The following ABI1 variants were observed in gnomAD, a reference collection of about 807,000 sequenced individuals.
The protein encoded by ABI1 is Abelson interactor 1.
A neutral mutation model predicts 54.6 loss-of-function variants in ABI1; 14 were observed. The observed-to-expected ratio is 0.26, with a 90% CI of 0.17 to 0.40. The LOEUF (loss-of-function observed/expected upper bound fraction) is 0.40, where lower values mean the gene tolerates loss of function less well. ABI1 is among the 10% of genes least tolerant of loss of function. The pLI is 1.00. For synonymous variants in ABI1, 194 were observed against 209.3 expected, an observed-to-expected ratio of 0.93 and a Z score of 0.63; for missense variants, 443 against 598.3, an observed-to-expected ratio of 0.74 and a Z score of 2.71.
chr10:26,837,727 G>GC (rs1564565552), intron 1 of ABI1, among the ~76,000 whole-genome samples: 1 of 151,974 alleles, frequency 6.6e-6, no homozygotes, highest in African/African-American at 2.4e-5. Flanking sequence ...CAATTCACAT[G>GC]CCTCGGCCTC....
Position 26,751,737 on chromosome 10 carries a change from A to T in ABI1, c.1131T>A (p.Ile377=). 1.9e-6 allele frequency: 3 copies of T among 1,613,646 alleles called. No individual in the cohort carries two copies. Among genetic ancestry groups the T allele is most frequent in the Non-Finnish European group, 2.5e-6 (3 of 1,179,828 alleles). The change falls in exon 10 of 11, where the codon ATT becomes ATA. Residue 377 remains isoleucine, a synonymous_variant. Coordinates refer to ENST00000376140, the MANE Select transcript of ABI1 (RefSeq NM_001012750.3). ...TPPPPPPPDD[I]PMFDDSPPPP... ...GAGGTGGAGAGTCATCAAACATGGGAATGTCATCTGGTGGAGGTGGTGGCG... is the reference window on the plus strand; with the variant it reads ...GAGGTGGAGAGTCATCAAACATGGGTATGTCATCTGGTGGAGGTGGTGGCG...
chr10:26,796,444 A>T (rs949557294), intron 2 of ABI1, among the ~76,000 whole-genome samples: 1 of 152,172 alleles, frequency 6.6e-6, no homozygotes, highest in Non-Finnish European at 1.5e-5. Context: ...AGGACTGAGG[A>T]CAGTAACATG....
At chr10:26,776,410 T>A (rs1221129896) in intron 3 of ABI1, among the ~76,000 whole-genome samples, 3 of 152,176 alleles carry the variant, frequency 2.0e-5, no homozygotes, top group African/African-American at 7.2e-5. Flanking sequence ...AAGGAATAGT[T>A]TATCCTGAGC....
chr10:26,837,383 T>G (rs2049154934), intron 1 of ABI1, among the ~76,000 whole-genome samples: 1 of 152,124 alleles, frequency 6.6e-6, no homozygotes, highest in African/African-American at 2.4e-5. Context: ...GGCTCCAGCC[T>G]TATGACCTCA....
chr10:26,829,191 A>ACTC (rs1245577840), intron 1 of ABI1, among the ~76,000 whole-genome samples: 1 of 151,338 alleles, frequency 6.6e-6, no homozygotes, highest in Non-Finnish European at 1.5e-5. Flanking sequence ...GCGCCACTGC[A>ACTC]CTCCAACCTA....
intron 8 of ABI1, 35 bp from the exon 9 acceptor site, chr10:26,755,776 C>T (rs748235536): frequency 7.0e-7 from 1 of 1,418,850 alleles, no homozygotes; most frequent in South Asian, 1.2e-5. Flanking sequence ...GGAAGTAAAA[C>T]AGATAAAGGA....
intron 3 of ABI1, among the ~76,000 whole-genome samples, chr10:26,774,995 A>G (rs1841205615): frequency 1.3e-5 from 2 of 152,128 alleles, no homozygotes. Flanking sequence ...TCTAAATAGA[A>G]AAGTGGGCAA....
intron 8 of ABI1, 58 bp from the exon 9 acceptor site, chr10:26,755,799 C>A: frequency 3.1e-6 from 4 of 1,276,394 alleles, no homozygotes; most frequent in Admixed American, 2.1e-5. Flanking sequence ...GAAAAGGAAA[C>A]AAACAAAAAG....
chr10:26,834,751 G>A (rs1457574980), intron 1 of ABI1, among the ~76,000 whole-genome samples: 1 of 152,140 alleles, frequency 6.6e-6, no homozygotes, highest in Admixed American at 6.5e-5. Context: ...CGGATCACCT[G>A]AGGTCAGGAG....
intron 1 of ABI1, among the ~76,000 whole-genome samples, chr10:26,852,466 C>A (rs536217478): frequency 6.6e-6 from 1 of 151,952 alleles, no homozygotes; most frequent in Non-Finnish European, 1.5e-5. Context: ...GCAACAAGAA[C>A]GAAACTCTGT....
Position 26,828,200 on chromosome 10 carries a change from A to G in ABI1, c.118-4895T>C, listed in dbSNP as rs543324274. ...CCAAAGAGAGGGAGAGACAGAAGGA[A>G]TGGTCAGTTGGTGGTACAGTCAGAA... On this transcript the variant is annotated intron_variant, in intron 1 of 10. Coordinates refer to ENST00000376140, the MANE Select transcript of ABI1 (RefSeq NM_001012750.3). 2.4e-4 allele frequency among the ~76,000 whole-genome samples: 36 copies of G among 152,342 alleles called. No homozygotes were observed. The South Asian group carries it at 7.2e-3, about 31-fold the overall frequency.
At chr10:26,778,548 G>A (rs1024066055) in intron 2 of ABI1, among the ~76,000 whole-genome samples, 1 of 149,922 alleles carries the variant, frequency 6.7e-6, no homozygotes, top group Non-Finnish European at 1.5e-5. Flanking sequence ...TCAATGTTAC[G>A]CTTGAATCAG....
intron 2 of ABI1, among the ~76,000 whole-genome samples, chr10:26,816,809 A>C (rs2047593023): frequency 6.6e-6 from 1 of 152,160 alleles, no homozygotes. Context: ...TTGACTAGTA[A>C]GATTGTTTTG....
intron 2 of ABI1, among the ~76,000 whole-genome samples, chr10:26,786,323 C>T (rs1440876750): frequency 2.0e-5 from 3 of 151,910 alleles, no homozygotes; most frequent in African/African-American, 7.3e-5. Flanking sequence ...AAGCGATTCT[C>T]ATGTCTCATG....
chr10:26,795,579 C>T (rs1482783922), intron 2 of ABI1, among the ~76,000 whole-genome samples: 1 of 151,690 alleles, frequency 6.6e-6, no homozygotes, highest in East Asian at 1.9e-4. Context: ...AATCAACATA[C>T]AAAAATCAGT....
chr10:26,831,337 G>A (rs2133914518), intron 1 of ABI1, among the ~76,000 whole-genome samples: 1 of 152,174 alleles, frequency 6.6e-6, no homozygotes, highest in South Asian at 2.1e-4. Flanking sequence ...AAGGTCAGGA[G>A]TTCAAGACCA....
intron 1 of ABI1, among the ~76,000 whole-genome samples, chr10:26,852,773 T>A (rs2134253956): frequency 6.6e-6 from 1 of 151,932 alleles, no homozygotes; most frequent in African/African-American, 2.4e-5. Flanking sequence ...TTTTCAAAAA[T>A]GTGTTTTTGC....
At chr10:26,814,416 C>A (rs2047428533) in intron 2 of ABI1, among the ~76,000 whole-genome samples, 1 of 152,158 alleles carries the variant, frequency 6.6e-6, no homozygotes, top group African/African-American at 2.4e-5. Flanking sequence ...GTGAGGGAAG[C>A]CCAAAATTGC....
At chr10:26,760,992 G>A (rs1045055949) in intron 7 of ABI1, among the ~76,000 whole-genome samples, 3 of 151,308 alleles carry the variant, frequency 2.0e-5, no homozygotes, top group Non-Finnish European at 2.9e-5. Context: ...GCCCAGGCTG[G>A]AGTGCAGTGG....
Sources: allele counts gnomAD v4.1 joint callset (sites outside exome capture counted in the v4.1 genomes callset), GRCh38; gene constraint gnomAD v4.1.1; transcripts MANE v1.5; gene names NCBI Gene and HGNC (gene_info 2026-07-23, HGNC 2026-07-21).